The following PTPRT variants were observed in gnomAD, a reference collection of about 807,000 sequenced individuals.
PTPRT encodes the protein protein tyrosine phosphatase receptor type T, also known as receptor-type tyrosine-protein phosphatase T.
In PTPRT, 56 loss-of-function variants were observed where a neutral mutation model predicts 176.8. The observed-to-expected ratio is 0.32, with a 90% CI of 0.26 to 0.40. The LOEUF is 0.40. Among genes scored for constraint, PTPRT ranks in the 10% least tolerant of loss-of-function variants. PTPRT has a pLI of 1.00. For synonymous variants in PTPRT, 783 were observed against 739.0 expected, an observed-to-expected ratio of 1.06 and a Z score of -0.96; for missense variants, 1,540 against 1,908.2, an observed-to-expected ratio of 0.81 and a Z score of 3.60.
intron 2 of PTPRT, among the ~76,000 whole-genome samples, chr20:42,826,818 C>G (rs2078001851): frequency 6.6e-6 from 1 of 152,156 alleles, no homozygotes; most frequent in African/African-American, 2.4e-5. Context: ...ACCCATCTCA[C>G]ATGCAATGAA....
chr20:42,504,230 C>A (rs1326678882), intron 7 of PTPRT, among the ~76,000 whole-genome samples: 1 of 151,874 alleles, frequency 6.6e-6, no homozygotes, highest in Non-Finnish European at 1.5e-5. Flanking sequence ...TGTGTGGGCC[C>A]AAACTGTTGC....
chr20:42,422,909 G>A (rs1347408516), intron 9 of PTPRT, among the ~76,000 whole-genome samples: 2 of 152,144 alleles, frequency 1.3e-5, no homozygotes, highest in East Asian at 1.9e-4. Context: ...ACAGATGGCG[G>A]TGGAGGCCAT....
intron 8 of PTPRT, among the ~76,000 whole-genome samples, chr20:42,459,750 G>T (rs1382611864): frequency 6.6e-6 from 1 of 152,088 alleles, no homozygotes; most frequent in East Asian, 1.9e-4. Context: ...GAGTGCAGTG[G>T]TACAATCATG....
At chr20:42,841,258 G>T (rs2078272865) in intron 2 of PTPRT, among the ~76,000 whole-genome samples, 1 of 152,166 alleles carries the variant, frequency 6.6e-6, no homozygotes, top group South Asian at 2.1e-4. Flanking sequence ...ATCTGCATTT[G>T]TCTGGACCTT....
rs73254784 is a variant in PTPRT at position 42,276,573 on chromosome 20, C to A, written c.2176+5916G>T. Reference sequence around the variant, plus strand: ...TATATATATATAATGTTCTTGAATACTTGGTAGAAAGGGCTACCGATCTCA... The same window carrying A: ...TATATATATATAATGTTCTTGAATAATTGGTAGAAAGGGCTACCGATCTCA... On this transcript the variant is annotated intron_variant, in intron 13 of 30. Transcript: ENST00000373187. 4.6e-3 allele frequency among the ~76,000 whole-genome samples: 494 copies of A among 106,288 alleles called. 14 individuals are homozygous for A. Among genetic ancestry groups the A allele is most frequent in the African/African-American group, 0.015 (467 of 30,204 alleles). The allele number at this position is 106,288 out of a possible 152,430, so 69.7% of individuals were successfully genotyped here.
chr20:42,335,608 A>G (rs1334345343), intron 11 of PTPRT, among the ~76,000 whole-genome samples: 1 of 152,246 alleles, frequency 6.6e-6, no homozygotes, highest in African/African-American at 2.4e-5. Flanking sequence ...CTCAAAATGA[A>G]AAATTATGAC....
At chr20:42,931,570 T>C (rs1360776990) in intron 1 of PTPRT, among the ~76,000 whole-genome samples, 1 of 152,018 alleles carries the variant, frequency 6.6e-6, no homozygotes, top group East Asian at 1.9e-4. Flanking sequence ...AAGGAGATGG[T>C]TCTGCTCAGA....
At chr20:42,966,587 A>G in intron 1 of PTPRT, among the ~76,000 whole-genome samples, 1 of 152,194 alleles carries the variant, frequency 6.6e-6, no homozygotes, top group East Asian at 1.9e-4. Flanking sequence ...CTGAGAACAT[A>G]CACCCAGTGA....
intron 7 of PTPRT, among the ~76,000 whole-genome samples, chr20:42,524,666 G>T (rs2072237596): frequency 6.6e-6 from 1 of 152,152 alleles, no homozygotes; most frequent in Non-Finnish European, 1.5e-5. Flanking sequence ...ATTGGTGTCT[G>T]TCATCAGTTC....
At chr20:42,220,686 G>GT (rs1236544808) in intron 15 of PTPRT, among the ~76,000 whole-genome samples, 1 of 151,470 alleles carries the variant, frequency 6.6e-6, no homozygotes, top group African/African-American at 2.4e-5. Flanking sequence ...TTTAAATAAA[G>GT]TTTTTTATGT....
intron 1 of PTPRT, among the ~76,000 whole-genome samples, chr20:43,027,883 C>G (rs750317340): frequency 4.6e-5 from 7 of 152,150 alleles, no homozygotes; most frequent in Non-Finnish European, 7.4e-5. Flanking sequence ...TGGAATAAAT[C>G]TCAGAGCCAG....
intron 2 of PTPRT, among the ~76,000 whole-genome samples, chr20:42,860,944 C>T (rs999207688): frequency 5.3e-5 from 8 of 152,128 alleles, no homozygotes; most frequent in Non-Finnish European, 1.2e-4. Flanking sequence ...AGACAGGCTC[C>T]GTCACATTAA....
At chr20:42,216,542 T>A (rs2055775057) in intron 15 of PTPRT, among the ~76,000 whole-genome samples, 1 of 152,234 alleles carries the variant, frequency 6.6e-6, no homozygotes, top group Non-Finnish European at 1.5e-5. Context: ...TCTTCTCTCA[T>A]CACTTTTCAT....
In PTPRT at chr20:42,535,574, C is replaced by T. The variant is rs77838555; in HGVS notation, c.1154-63012G>A. Among the ~76,000 whole-genome samples the T allele has an allele frequency of 3.3e-3, 504 of 152,278 alleles. 2 individuals carry two copies. Among genetic ancestry groups the T allele is most frequent in the Middle Eastern group, 0.017 (5 of 294 alleles). ...GCATTACTTCTAGACAGCTAGCTAT[C>T]CAAGAACATTTTTGCAATGGCTAAA... On this transcript the variant is annotated intron_variant, in intron 7 of 30. Transcript: ENST00000373187.
In PTPRT at chr20:42,104,664, T is replaced by C. The variant is rs959243125; in HGVS notation, c.3445A>G (p.Thr1149Ala). The change falls in exon 25 of 31, where the codon ACT (threonine) becomes GCT (alanine). Residue 1149 changes from threonine to alanine, a missense_variant. Physicochemically the swap from Thr to Ala is moderately conservative, Grantham distance 58. Transcript: ENST00000373187. ...AILEACLCGN[T>A]AIPVCEFRSL... Reference sequence around the variant, plus strand: ...CGGAACTCACACACAGGGATGGCAGTGTTGCCACAGAGGCACGCTTCCAGG... The same window carrying C: ...CGGAACTCACACACAGGGATGGCAGCGTTGCCACAGAGGCACGCTTCCAGG... 1 of 1,595,332 alleles carries C rather than the reference T, an allele frequency of 6.3e-7. No homozygotes were observed. Among genetic ancestry groups the C allele is most frequent in the African/African-American group, 1.3e-5 (1 of 74,500 alleles).
chr20:42,803,331 T>G (rs1454503224), intron 2 of PTPRT, among the ~76,000 whole-genome samples: 1 of 152,182 alleles, frequency 6.6e-6, no homozygotes, highest in East Asian at 1.9e-4. Context: ...GTCATCTGGG[T>G]CCCCCAGGGG....
At chr20:42,184,614 T>TCTTCTCCTC (rs1990692690) in intron 16 of PTPRT, among the ~76,000 whole-genome samples, 68 of 142,634 alleles carry the variant, frequency 4.8e-4, no homozygotes, top group African/African-American at 1.8e-3. Context: ...TTCTTCTTCT[T>TCTTCTCCTC]CTCCTCCTTC....
At position 42,786,711 on chromosome 20, in the gene PTPRT, T is replaced by C. The variant is rs138035873; in HGVS notation, c.486+4484A>G. Among the ~76,000 whole-genome samples the C allele has an allele frequency of 6.3e-3, 965 of 152,290 alleles. 13 individuals are homozygous for C. Among genetic ancestry groups the C allele is most frequent in the African/African-American group, 0.021 (873 of 41,550 alleles). ...TACTTCAACCTGTGGCCCCATCCTG[T>C]ACCCATTTGTGTCTGGTCCTATATA... On this transcript the variant is annotated intron_variant, in intron 3 of 30. Coordinates refer to ENST00000373187, the MANE Select transcript of PTPRT (RefSeq NM_007050.6).
intron 11 of PTPRT, among the ~76,000 whole-genome samples, chr20:42,317,384 T>C (rs536565483): frequency 6.6e-6 from 1 of 152,330 alleles, no homozygotes; most frequent in African/African-American, 2.4e-5. Flanking sequence ...CCACAGTTTA[T>C]AGTTCTCTGG....
Sources: gnomAD v4.1 joint callset for allele counts (sites outside exome capture counted in the v4.1 genomes callset) on GRCh38, gnomAD v4.1.1 for gene constraint, MANE v1.5 for transcripts, NCBI Gene and HGNC (gene_info 2026-07-23, HGNC 2026-07-21) for gene names.